The following NOTCH1 variants were observed in gnomAD, a reference collection of about 807,000 sequenced individuals.
NOTCH1 encodes neurogenic locus notch homolog protein 1.
In NOTCH1, 37 loss-of-function variants were observed where a neutral mutation model predicts 254.8. The ratio of observed to expected loss-of-function variants is 0.15; its 90% CI spans 0.11 to 0.19. The LOEUF (loss-of-function observed/expected upper bound fraction) is 0.19. NOTCH1 is among the 10% of genes least tolerant of loss of function. The probability of loss-of-function intolerance (pLI) is 1.00; values close to 1 mark genes in which losing one functional copy is unlikely to be tolerated. For synonymous variants in NOTCH1, 1,731 were observed against 1,618.1 expected (o/e 1.07, Z -1.68); for missense variants, 2,972 against 3,708.6 (o/e 0.80, Z 5.16).
intron 2 of NOTCH1, among the ~76,000 whole-genome samples, chr9:136,524,797 C>T (rs1843434898): frequency 6.6e-6 from 1 of 152,038 alleles, no homozygotes; most frequent in Admixed American, 6.6e-5. Context: ...GACACCATGC[C>T]CAGCTAATTT....
chr9:136,545,449 G>T lies in NOTCH1; in HGVS notation c.61+277C>A, dbSNP rs1843801310. 6.6e-6 allele frequency among the ~76,000 whole-genome samples: 1 copy of T among 151,490 alleles called. No homozygotes were observed. The highest frequency in any genetic ancestry group is 1.5e-5 in the Non-Finnish European group (1 of 67,810). On this transcript the variant is annotated intron_variant, in intron 1 of 33. Coordinates refer to ENST00000651671, the MANE Select transcript of NOTCH1 (RefSeq NM_017617.5). The surrounding 1 kb of genome is among the most constrained non-coding windows in gnomAD (Gnocchi z 6.8). ...CGCGCGGCGGGTGAAGGGCGGGCCC[G>T]GAGTAGGGCCTCCGGGGCCCCAGCA...
At chr9:136,543,710 G>A in intron 2 of NOTCH1, 1 of 508,462 alleles carries the variant, frequency 2.0e-6, no homozygotes, top group Non-Finnish European at 3.6e-6. Flanking sequence ...AGCTTCCCCT[G>A]GCAGATCAAC....
intron 26 of NOTCH1, among the ~76,000 whole-genome samples, chr9:136,504,143 C>T (rs2133334867): frequency 6.6e-6 from 1 of 152,338 alleles, no homozygotes; most frequent in East Asian, 1.9e-4. Context: ...TGGGGTGGGG[C>T]TGTTCAGCCC....
intron 15 of NOTCH1, 93 bp downstream of exon 15, chr9:136,512,928 C>CA: frequency 5.0e-6 from 2 of 398,596 alleles, no homozygotes; most frequent in Admixed American, 3.0e-5. Flanking sequence ...TGGCCCCACC[C>CA]TCTCCAGCAC....
Position 136,523,786 on chromosome 9 carries a change from G to T in NOTCH1, c.334C>A (p.Arg112Ser), listed in dbSNP as rs1399392600. The change falls in exon 3 of 34, where the codon CGC (arginine) becomes AGC (serine). Residue 112 changes from arginine (R) to serine (S), a missense_variant. Around this residue, in one of 8 missense-constraint regions of NOTCH1, gnomAD observed 374 missense variants for 496.3 expected, o/e 0.75. Coordinates refer to ENST00000651671, the MANE Select transcript of NOTCH1 (RefSeq NM_017617.5). ...AGCAGGTCGCAGGTGCCCCCGTTGCGGCAGGGGTTGGTGAGGCAGGCATTG... is the reference window on the plus strand; with the variant it reads ...AGCAGGTCGCAGGTGCCCCCGTTGCTGCAGGGGTTGGTGAGGCAGGCATTG... ...LDNACLTNPC[R>S]NGGTCDLLTL... The T allele has an allele frequency of 6.2e-7, 1 of 1,611,610 alleles. No individual in the cohort carries two copies. Among genetic ancestry groups the T allele is most frequent in the African/African-American group, 1.3e-5 (1 of 75,036 alleles).
At chr9:136,542,414 C>T (rs900271343) in intron 2 of NOTCH1, among the ~76,000 whole-genome samples, 3 of 151,976 alleles carry the variant, frequency 2.0e-5, no homozygotes, top group African/African-American at 7.3e-5. Context: ...GGCATTAATC[C>T]GCCTCCCCCA....
In NOTCH1 at chr9:136,518,179, T is replaced by C. The variant is rs1244187539; in HGVS notation, c.1213A>G (p.Thr405Ala). The change falls in exon 7 of 34, where the codon ACG (threonine) becomes GCG (alanine). Residue 405 changes from threonine to alanine, a missense_variant. By Grantham distance (58) the Thr-to-Ala change is moderately conservative. Coordinates refer to ENST00000651671, the MANE Select transcript of NOTCH1 (RefSeq NM_017617.5). ...KAICTCPSGYTGPACSQDVDE... is the reference protein window; with the variant it reads ...KAICTCPSGYAGPACSQDVDE... The stretch of plus-strand genomic sequence containing the variant: ...ACGTCCTGGCTGCAGGCCGGGCCCG[T>C]GTACCCCGAGGGGCAGGTGCAGATG... The C allele has an allele frequency of 1.9e-6, 3 of 1,601,714 alleles. No individual in the cohort carries two copies. Among genetic ancestry groups the C allele is most frequent in the Admixed American group, 1.7e-5 (1 of 58,482 alleles).
At position 136,499,223 on chromosome 9, in the gene NOTCH1, G is replaced by T. The variant is rs759553984; in HGVS notation, c.5971C>A (p.Arg1991Ser). 6.2e-7 allele frequency: 1 copy of T among 1,613,268 alleles called. No individual in the cohort carries two copies. The highest frequency in any genetic ancestry group is 1.1e-5 in the South Asian group (1 of 91,088). ...IRNRATDLDA[R>S]MHDGTTPLIL... ...AGTGGCGTCGTGCCATCATGCATGC[G>T]GGCATCCAGGTCTGTGGCTCGGTTC... Residue 1991 changes from arginine (R) to serine (S), a missense_variant, in exon 32 of 34, where the codon CGC (arginine) becomes AGC (serine). Arg to Ser is a moderately radical substitution (Grantham distance 110). Coordinates refer to ENST00000651671, the MANE Select transcript of NOTCH1 (RefSeq NM_017617.5).
intron 2 of NOTCH1, among the ~76,000 whole-genome samples, chr9:136,541,398 G>A (rs1012830616): frequency 2.6e-5 from 4 of 152,180 alleles, no homozygotes; most frequent in African/African-American, 9.7e-5. Flanking sequence ...TCATGACCAT[G>A]CCCCTTCTAC....
chr9:136,499,027 G>T (rs375119029), intron 32 of NOTCH1, 31 bp from the exon 33 acceptor site: 1 of 1,612,756 alleles, frequency 6.2e-7, no homozygotes, highest in South Asian at 1.1e-5. Context: ...GGGTAGGTTG[G>T]AGACCAGCTG....
chr9:136,532,582 C>T (rs893554745), intron 2 of NOTCH1, among the ~76,000 whole-genome samples: 1 of 152,188 alleles, frequency 6.6e-6, no homozygotes, highest in Non-Finnish European at 1.5e-5. Flanking sequence ...CCGCCCGAGA[C>T]CCAGCTACAC....
Position 136,494,610 on chromosome 9 carries a change from C to A in NOTCH1, c.*1461G>T, listed in dbSNP as rs1842889823. ...ACATCTTGGGACGCATCTGGTCATGCCCCCTGGGGATGGCACCACGCGGCC... is the reference window on the plus strand; with the variant it reads ...ACATCTTGGGACGCATCTGGTCATGACCCCTGGGGATGGCACCACGCGGCC... On this transcript the variant is annotated 3_prime_UTR_variant, in exon 34 of 34. Coordinates refer to ENST00000651671, the MANE Select transcript of NOTCH1 (RefSeq NM_017617.5). 2 of 398,936 alleles carry A rather than the reference C, an allele frequency of 5.0e-6. No individual in the cohort carries two copies. The highest frequency in any genetic ancestry group is 7.1e-5 in the East Asian group (2 of 28,216). The allele number at this position is 398,936 out of a possible 1,614,324, so 24.7% of individuals were successfully genotyped here.
chr9:136,499,487 G>T (rs976180476), intron 31 of NOTCH1, among the ~76,000 whole-genome samples: 2 of 152,236 alleles, frequency 1.3e-5, no homozygotes, highest in African/African-American at 4.8e-5. Context: ...TGGTGACAGT[G>T]GGATCCATCG....
intron 18 of NOTCH1, 23 bp downstream of exon 18, chr9:136,509,710 G>C: frequency 6.2e-7 from 1 of 1,605,504 alleles, no homozygotes; most frequent in Non-Finnish European, 8.5e-7. Flanking sequence ...TCCCTTCCAC[G>C]GCCTCACTCG....
At chr9:136,538,005 G>T (rs1236328312) in intron 2 of NOTCH1, among the ~76,000 whole-genome samples, 1 of 152,154 alleles carries the variant, frequency 6.6e-6, no homozygotes, top group Non-Finnish European at 1.5e-5. Flanking sequence ...GCGTGAATCT[G>T]GGAGGCAGAG....
chr9:136,517,542 T>TGGCCC (rs2133367776), intron 8 of NOTCH1, among the ~76,000 whole-genome samples, 157 bp from the exon 9 acceptor site: 2 of 152,228 alleles, frequency 1.3e-5, no homozygotes, highest in South Asian at 4.1e-4. Flanking sequence ...CCGTGGCCCC[T>TGGCCC]GGCCCGGCAC....
chr9:136,541,640 C>T (rs972110675), intron 2 of NOTCH1, among the ~76,000 whole-genome samples: 23 of 152,270 alleles, frequency 1.5e-4, no homozygotes, highest in East Asian at 7.7e-4. Flanking sequence ...TGGGCAGGAA[C>T]GGGAAGGCAG....
In NOTCH1 at chr9:136,507,957, T is replaced by C. The variant is rs1843115155; in HGVS notation, c.3508A>G (p.Lys1170Glu). 1 of 1,612,378 alleles carries C rather than the reference T, an allele frequency of 6.2e-7. No homozygotes were observed. Among genetic ancestry groups the C allele is most frequent in the African/African-American group, 1.3e-5 (1 of 74,894 alleles). ...CTTACCCTAGGAGGGACCCCCACCTTGCAGGAGTAGCCGCCCAGGTAGTCC... is the reference window on the plus strand; with the variant it reads ...CTTACCCTAGGAGGGACCCCCACCTCGCAGGAGTAGCCGCCCAGGTAGTCC... ...CTDYLGGYSC[K>E]CVAGYHGVNC... Residue 1170 changes from lysine to glutamate, a missense_variant and splice_region_variant, in exon 21 of 34, where the codon AAG becomes GAG. Physicochemically the swap from Lys to Glu is moderately conservative, Grantham distance 56. This residue lies in a region of NOTCH1 where 1,343 missense variants were observed against 1,557.0 expected (regional missense o/e 0.86). Transcript: ENST00000651671.
intron 2 of NOTCH1, among the ~76,000 whole-genome samples, chr9:136,532,502 C>T (rs1009238723): frequency 1.3e-5 from 2 of 152,144 alleles, no homozygotes; most frequent in Admixed American, 6.5e-5. Context: ...CTGGAGGGGC[C>T]CCCACAGCAC....
Sources: gnomAD v4.1 joint callset for allele counts (sites outside exome capture counted in the v4.1 genomes callset) on GRCh38, gnomAD v4.1.1 for gene constraint, gnomAD v4.1.1 regional missense constraint, Gnocchi (gnomAD v3.1) non-coding constraint, MANE v1.5 for transcripts, NCBI Gene and HGNC (gene_info 2026-07-23, HGNC 2026-07-21) for gene names.